Variants in GPNMB observed in about 807,000 individuals in gnomAD.
GPNMB encodes transmembrane glycoprotein NMB.
In GPNMB, 71 loss-of-function variants were observed where a neutral mutation model predicts 57.3. The observed-to-expected ratio is 1.24, with a 90% confidence interval of 1.02 to 1.51. GPNMB has a LOEUF of 1.51. GPNMB is among the 40% of genes most tolerant of loss of function. The pLI is 0.00. For missense variants in GPNMB, 677 were observed against 691.9 expected (o/e 0.98, Z 0.24); for synonymous variants, 253 against 263.2 (o/e 0.96, Z 0.38).
At chr7:23,266,401 T>A in intron 6 of GPNMB, 116 bp from the exon 7 acceptor site, 4 of 919,194 alleles carry the variant, frequency 4.4e-6, no homozygotes, top group South Asian at 1.6e-5. Flanking sequence ...CATAGTATAG[T>A]GTTCCTGATA....
intron 1 of GPNMB, among the ~76,000 whole-genome samples, chr7:23,248,989 G>A (rs1782601126): frequency 6.6e-6 from 1 of 152,130 alleles, no homozygotes; most frequent in South Asian, 2.1e-4. Flanking sequence ...TTACTACATT[G>A]CCCAGGCTGG....
At chr7:23,262,350 G>A (rs1323681476) in intron 6 of GPNMB, among the ~76,000 whole-genome samples, 1 of 151,952 alleles carries the variant, frequency 6.6e-6, no homozygotes, top group African/African-American at 2.4e-5. Context: ...TTAATAATTG[G>A]GAGGATTTCT....
chr7:23,266,744 C>A, intron 7 of GPNMB, 129 bp downstream of exon 7: 1 of 707,338 alleles, frequency 1.4e-6, no homozygotes, highest in Non-Finnish European at 2.3e-6. Context: ...TAAGATGACA[C>A]CACACATGCA....
rs755248568 is a variant in GPNMB at position 23,274,069 on chromosome 7, C to G, written c.1528C>G (p.His510Asp). ...TVISLLVYKK[H>D]KEYNPIENSP... ...TAACCAACAGATTGTTTTCAGAAAA[C>G]ACAAGGAATACAACCCAATAGAAAA... The change falls in exon 11 of 11, where the codon CAC (histidine) becomes GAC (aspartate). Residue 510 changes from histidine (H) to aspartate (D), a missense_variant. Transcript: ENST00000258733. 2 of 1,599,220 alleles carry G rather than the reference C, an allele frequency of 1.3e-6. No homozygotes were observed. Among genetic ancestry groups the G allele is most frequent in the South Asian group, 1.1e-5 (1 of 87,626 alleles).
intron 4 of GPNMB, among the ~76,000 whole-genome samples, chr7:23,259,465 A>C (rs1257961327): frequency 2.0e-5 from 3 of 152,164 alleles, no homozygotes; most frequent in African/African-American, 7.2e-5. Context: ...TACAGGCATG[A>C]GCTACCGCGC....
chr7:23,246,833 G>C lies in GPNMB; in HGVS notation c.-25G>C, dbSNP rs1398300664. The C allele has an allele frequency of 6.3e-7, 1 of 1,586,654 alleles. No homozygotes were observed. The highest frequency in any genetic ancestry group is 1.7e-5 in the Admixed American group (1 of 59,986). ...AGAGGAATTCAGAGTTAAACCTTGA[G>C]TGCCTGCGTCCGTGAGAATTCAGCA... On this transcript the variant is annotated 5_prime_UTR_variant, in exon 1 of 11. Coordinates refer to ENST00000258733, the MANE Select transcript of GPNMB (RefSeq NM_002510.3).
intron 1 of GPNMB, chr7:23,247,468 T>C (rs1782558466): frequency 6.2e-6 from 1 of 160,744 alleles, no homozygotes. Context: ...GGCCAGGGCA[T>C]TTTTAACAAT....
chr7:23,251,649 G>A (rs1429189767), intron 1 of GPNMB, among the ~76,000 whole-genome samples: 1 of 152,062 alleles, frequency 6.6e-6, no homozygotes, highest in Non-Finnish European at 1.5e-5. Flanking sequence ...CCATAGCTCT[G>A]GGCATCACAT....
At chr7:23,248,382 A>G (rs1782585389) in intron 1 of GPNMB, among the ~76,000 whole-genome samples, 1 of 152,202 alleles carries the variant, frequency 6.6e-6, no homozygotes, top group African/African-American at 2.4e-5. Flanking sequence ...ACAGATTAGC[A>G]GGAGGCCGAA....
intron 1 of GPNMB, chr7:23,247,913 C>G (rs910570045): frequency 6.6e-6 from 1 of 152,384 alleles, no homozygotes; most frequent in Non-Finnish European, 1.5e-5. Context: ...CCGCGGAGCC[C>G]GGCACTGTGA....
At chr7:23,259,878 C>T (rs999344541) in intron 4 of GPNMB, 102 bp from the exon 5 acceptor site, 42 of 1,101,612 alleles carry the variant, frequency 3.8e-5, no homozygotes, top group Non-Finnish European at 5.5e-5. Context: ...ATTTTCCCTC[C>T]TCAGAGCAAT....
In GPNMB at chr7:23,270,002, C is replaced by G. The variant is rs552621389; in HGVS notation, c.1256C>G (p.Pro419Arg). The change falls in exon 9 of 11, where the codon CCC becomes CGC. Residue 419 changes from proline (P) to arginine (R), a missense_variant. Coordinates refer to ENST00000258733, the MANE Select transcript of GPNMB (RefSeq NM_002510.3). The part of the protein sequence containing the change: ...PTEVCTIISD[P>R]TCEITQNTVC... ...GAGGTCTGTACCATCATTTCTGACC[C>G]CACCTGCGAGATCACCCAGAACACA... 13 of 1,614,092 alleles carry G rather than the reference C, an allele frequency of 8.1e-6. No homozygotes were observed. In the African/African-American group the frequency reaches 1.6e-4, roughly 20 times the overall value.
intron 4 of GPNMB, 87 bp from the exon 5 acceptor site, chr7:23,259,892 TA>T: frequency 4.8e-6 from 6 of 1,254,220 alleles, no homozygotes; most frequent in South Asian, 1.3e-5. Flanking sequence ...GAGCAATCTA[TA>T]AATGGTGGTA....
In GPNMB at chr7:23,272,846, C is replaced by CTTTTTTTTTTTTTTTTTTTTTTTTT. The variant is rs34346503; in HGVS notation, c.1430-660_1430-659insTTTTTTTTTTTTTTTTTTTTTTTTT. On this transcript the variant is annotated intron_variant, in intron 9 of 10. Coordinates refer to ENST00000258733, the MANE Select transcript of GPNMB (RefSeq NM_002510.3). Reference sequence around the variant, plus strand: ...CATGGAAAACTTTAAAGGTGGTGATCTTTTTTTTTTTTTTTGAGGCAAGGT... The same window carrying CTTTTTTTTTTTTTTTTTTTTTTTTT: ...CATGGAAAACTTTAAAGGTGGTGATCTTTTTTTTTTTTTTTTTTTTTTTTTTTTTTTTTTTTTTTTGAGGCAAGGT... Among the ~76,000 whole-genome samples, 15 of 139,640 alleles carry CTTTTTTTTTTTTTTTTTTTTTTTTT rather than the reference C, an allele frequency of 1.1e-4. 1 individual carries two copies. The highest frequency in any genetic ancestry group is 3.8e-4 in the African/African-American group (14 of 36,548). 91.6% of individuals were successfully genotyped at this position (139,640 alleles called of 152,430 possible).
intron 1 of GPNMB, chr7:23,247,601 T>G (rs911464090): frequency 6.5e-6 from 1 of 152,856 alleles, no homozygotes; most frequent in Non-Finnish European, 1.5e-5. Flanking sequence ...AGTGTGCAGA[T>G]TCGCGAGAGG....
chr7:23,271,910 A>T (rs956600915), intron 9 of GPNMB, among the ~76,000 whole-genome samples: 1 of 152,236 alleles, frequency 6.6e-6, no homozygotes, highest in Non-Finnish European at 1.5e-5. Context: ...GAAAATAATC[A>T]TACATCTAAT....
At chr7:23,262,515 T>C (rs182684816) in intron 6 of GPNMB, among the ~76,000 whole-genome samples, 25 of 152,116 alleles carry the variant, frequency 1.6e-4, no homozygotes, top group Non-Finnish European at 2.9e-4. Context: ...TAGACATCTT[T>C]CCACTGTTAA....
Position 23,274,389 on chromosome 7 carries a change from G to T in GPNMB, c.*165G>T, listed in dbSNP as rs1783287030. ...ATGTCATTTTAGAGATGGGGAGAGG[G>T]ATTATACTGCAGGCAGCTTCAGCCA... is the stretch of plus-strand genomic sequence containing the variant. On this transcript the variant is annotated 3_prime_UTR_variant, in exon 11 of 11. Transcript: ENST00000258733. 1 of 561,724 alleles carries T rather than the reference G, an allele frequency of 1.8e-6. No individual in the cohort carries two copies. 34.8% of individuals were successfully genotyped at this position (561,724 alleles called of 1,614,324 possible).
intron 6 of GPNMB, among the ~76,000 whole-genome samples, chr7:23,261,259 A>G (rs930760851): frequency 6.6e-6 from 1 of 152,182 alleles, no homozygotes. Context: ...ATGGTCCAAG[A>G]AAGAATGTAG....
Sources: allele counts gnomAD v4.1 joint callset (sites outside exome capture counted in the v4.1 genomes callset), GRCh38; gene constraint gnomAD v4.1.1; transcripts MANE v1.5; gene names NCBI Gene and HGNC (gene_info 2026-07-23, HGNC 2026-07-21).